Variants in GSG1L observed in about 807,000 individuals in gnomAD.
GSG1L encodes the protein germ cell-specific gene 1-like protein.
GSG1L carries 24 observed loss-of-function variants against 42.1 expected under a neutral mutation model. The ratio of observed to expected loss-of-function variants is 0.57; its 90% CI spans 0.41 to 0.80. The LOEUF is 0.80. GSG1L is among the 30% of genes least tolerant of loss of function. The probability of loss-of-function intolerance (pLI) is 0.00; values close to 1 mark genes in which losing one functional copy is unlikely to be tolerated. For synonymous variants in GSG1L, 215 were observed against 203.5 expected (o/e 1.06, Z -0.48); for missense variants, 445 against 472.2 (o/e 0.94, Z 0.53).
At chr16:27,983,284 C>T (rs1282044206) in intron 1 of GSG1L, among the ~76,000 whole-genome samples, 2 of 151,922 alleles carry the variant, frequency 1.3e-5, no homozygotes, top group African/African-American at 4.8e-5. Context: ...GCAGTGAGCC[C>T]GGATCATGTC....
Position 27,828,976 on chromosome 16 carries a change from G to A in GSG1L, c.663-20C>T. The A allele has an allele frequency of 6.2e-7, 1 of 1,611,968 alleles. No homozygotes were observed. Among genetic ancestry groups the A allele is most frequent in the Non-Finnish European group, 8.5e-7 (1 of 1,178,356 alleles). On this transcript the variant is annotated intron_variant, in intron 4 of 6. Transcript: ENST00000447459. ...GCCAGGCTGCCAAGAGATCAGGAGA[G>A]AGATGCCATCGTGAGGGTGGGCAAG...
chr16:27,896,574 T>G (rs12448268), intron 2 of GSG1L, among the ~76,000 whole-genome samples: 1 of 152,142 alleles, frequency 6.6e-6, no homozygotes, highest in East Asian at 1.9e-4. Flanking sequence ...TTAAATTAAA[T>G]TTTTTAAAAA....
chr16:28,056,834 GTGGGTA>G (rs1487250351), intron 1 of GSG1L, among the ~76,000 whole-genome samples: 1 of 152,116 alleles, frequency 6.6e-6, no homozygotes, highest in Non-Finnish European at 1.5e-5. Context: ...GTGATACGCA[GTGGGTA>G]TGACCTCGAT....
intron 6 of GSG1L, among the ~76,000 whole-genome samples, chr16:27,797,799 G>A (rs1459144371): frequency 6.9e-6 from 1 of 144,178 alleles, no homozygotes; most frequent in Admixed American, 7.1e-5. Flanking sequence ...CACGGCCTGG[G>A]TGACAGAGAG....
At chr16:28,031,212 A>AGATGGAATAG (rs2085958594) in intron 1 of GSG1L, among the ~76,000 whole-genome samples, 1 of 74,202 alleles carries the variant, frequency 1.3e-5, no homozygotes, top group Non-Finnish European at 2.7e-5. Flanking sequence ...GGGTGGGATG[A>AGATGGAATAG]GATGGAATAG....
At position 27,790,307 on chromosome 16, in the gene GSG1L, T is replaced by C. The variant is rs2082737429; in HGVS notation, c.*1063A>G. ...ATAAAGGAGAAGAATATATTCTACG[T>C]GGGGAAAAGCTCTAGAAATTCTTCT... On this transcript the variant is annotated 3_prime_UTR_variant, in exon 7 of 7. Transcript: ENST00000447459. 6.6e-6 allele frequency: 1 copy of C among 152,132 alleles called. No homozygotes were observed. Among genetic ancestry groups the C allele is most frequent in the Non-Finnish European group, 1.5e-5 (1 of 68,030 alleles). The allele number at this position is 152,132 out of a possible 1,614,324, so 9.4% of individuals were successfully genotyped here.
intron 3 of GSG1L, among the ~76,000 whole-genome samples, chr16:27,848,747 G>A (rs562382126): frequency 1.8e-4 from 28 of 152,000 alleles, no homozygotes; most frequent in African/African-American, 6.5e-4. Flanking sequence ...GTTAGGGAGA[G>A]CATCTCAGAG....
intron 2 of GSG1L, among the ~76,000 whole-genome samples, chr16:27,939,896 G>A (rs1309544640): frequency 6.6e-6 from 1 of 152,136 alleles, no homozygotes; most frequent in Non-Finnish European, 1.5e-5. Flanking sequence ...GCCTGGGCTG[G>A]TCTCGAGCTC....
At chr16:28,015,018 GC>G (rs1213958663) in intron 1 of GSG1L, among the ~76,000 whole-genome samples, 1 of 152,222 alleles carries the variant, frequency 6.6e-6, no homozygotes. Context: ...GTCCCATGTG[GC>G]TGGGACAGAG....
intron 2 of GSG1L, among the ~76,000 whole-genome samples, chr16:27,944,490 C>T (rs1432231215): frequency 6.6e-6 from 1 of 151,764 alleles, no homozygotes; most frequent in Non-Finnish European, 1.5e-5. Context: ...GGTGTGGTGG[C>T]ATGTACCCAT....
At chr16:27,979,661 AAGAGAGAGAGAGAGAG>A (rs1555512078) in intron 1 of GSG1L, among the ~76,000 whole-genome samples, 17 of 67,698 alleles carry the variant, frequency 2.5e-4, no homozygotes, top group South Asian at 9.5e-4. Flanking sequence ...GAAAGAAAGA[AAGAGAGAGAGAGAGAG>A]AGAAAGAAAG....
In GSG1L at chr16:27,806,754, G is replaced by A. The variant is rs112553281; in HGVS notation, c.898+733C>T. On this transcript the variant is annotated intron_variant, in intron 6 of 6. Coordinates refer to ENST00000447459, the MANE Select transcript of GSG1L (RefSeq NM_001109763.2). ...TGACTGTGTCTGCTGTGACTCCTCT[G>A]CCAGTGATTAGCTAAGCTATGTGAC... 4.6e-4 allele frequency among the ~76,000 whole-genome samples: 70 copies of A among 152,324 alleles called. 1 individual carries two copies. Among genetic ancestry groups the A allele is most frequent in the Admixed American group, 1.9e-3 (29 of 15,302 alleles).
chr16:28,010,095 G>C (rs1195693784), intron 1 of GSG1L, among the ~76,000 whole-genome samples: 1 of 152,194 alleles, frequency 6.6e-6, no homozygotes, highest in Non-Finnish European at 1.5e-5. Flanking sequence ...GCGTGAGGAA[G>C]AGACACCGGG....
chr16:27,972,922 G>A (rs16939648), intron 1 of GSG1L, among the ~76,000 whole-genome samples: 38,720 of 152,072 alleles, frequency 0.25, 5,299 homozygotes, highest in East Asian at 0.49. Flanking sequence ...TGATGGCACC[G>A]GCCGATCCTT....
chr16:27,823,309 A>G (rs974674738), intron 5 of GSG1L, among the ~76,000 whole-genome samples: 5 of 152,166 alleles, frequency 3.3e-5, no homozygotes, highest in African/African-American at 1.2e-4. Context: ...CCACATGACC[A>G]TGTGCACATG....
chr16:27,871,517 G>A (rs976350137), intron 3 of GSG1L, among the ~76,000 whole-genome samples: 2 of 152,016 alleles, frequency 1.3e-5, no homozygotes, highest in Non-Finnish European at 2.9e-5. Context: ...TGGCACACGT[G>A]GTCCCAGCTA....
chr16:27,945,465 C>T (rs2084850488), intron 2 of GSG1L, among the ~76,000 whole-genome samples: 1 of 152,196 alleles, frequency 6.6e-6, no homozygotes. Flanking sequence ...CCCCCAGTCC[C>T]ACATGGGACC....
intron 4 of GSG1L, among the ~76,000 whole-genome samples, chr16:27,836,498 T>C (rs1446582495): frequency 6.6e-6 from 1 of 152,176 alleles, no homozygotes; most frequent in African/African-American, 2.4e-5. Context: ...GTGTTATATT[T>C]TTGGTTGTAG....
intron 2 of GSG1L, among the ~76,000 whole-genome samples, chr16:27,934,219 T>C (rs1237901203): frequency 6.6e-6 from 1 of 152,118 alleles, no homozygotes; most frequent in Non-Finnish European, 1.5e-5. Flanking sequence ...AGGAAAGTCA[T>C]TGAGGTGCAA....
Sources: gnomAD v4.1 joint callset for allele counts (sites outside exome capture counted in the v4.1 genomes callset) on GRCh38, gnomAD v4.1.1 for gene constraint, MANE v1.5 for transcripts, NCBI Gene and HGNC (gene_info 2026-07-23, HGNC 2026-07-21) for gene names.